PALS1: variants seen among roughly 807,000 people sequenced by gnomAD.
PALS1 encodes protein associated with LIN7 1, MAGUK p55 family member.
Under a neutral mutation model 78.9 loss-of-function variants are expected in PALS1, and 31 were observed. The observed-to-expected ratio is 0.39, with a 90% CI of 0.30 to 0.53. The LOEUF is 0.53. Among genes scored for constraint, PALS1 ranks in the 20% least tolerant of loss-of-function variants. PALS1 has a pLI of 0.67. For missense variants in PALS1, 704 were observed against 826.5 expected (o/e 0.85, Z 1.82); for synonymous variants, 276 against 270.9 (o/e 1.02, Z -0.18).
At chr14:67,313,636 T>C (rs1449227759) in intron 9 of PALS1, among the ~76,000 whole-genome samples, 2 of 152,092 alleles carry the variant, frequency 1.3e-5, no homozygotes, top group African/African-American at 4.8e-5. Flanking sequence ...AATAGGGATA[T>C]AGAGTAAAGG....
intron 3 of PALS1, among the ~76,000 whole-genome samples, chr14:67,284,560 A>AC (rs1555520609): frequency 0.17 from 22,849 of 131,732 alleles, 4,500 homozygotes; most frequent in East Asian, 0.44. Flanking sequence ...AAAAAAAAAA[A>AC]AAAAAAAAAA....
At chr14:67,272,429 A>C (rs1838657957) in intron 2 of PALS1, among the ~76,000 whole-genome samples, 1 of 151,996 alleles carries the variant, frequency 6.6e-6, no homozygotes, top group South Asian at 2.1e-4. Flanking sequence ...CTACTTCTGG[A>C]GTTGTAATGA....
chr14:67,289,086 C>T (rs2084733363), intron 3 of PALS1, among the ~76,000 whole-genome samples: 1 of 151,410 alleles, frequency 6.6e-6, no homozygotes, highest in African/African-American at 2.4e-5. Context: ...CCTGCCTCAG[C>T]CTCCCAAGTA....
chr14:67,321,533 T>C (rs1467968792), intron 13 of PALS1, among the ~76,000 whole-genome samples: 1 of 152,174 alleles, frequency 6.6e-6, no homozygotes, highest in Non-Finnish European at 1.5e-5. Flanking sequence ...ATTTCTCAGA[T>C]TTTAGAATAT....
At chr14:67,332,636 AG>A in intron 14 of PALS1, 143 bp from the exon 15 acceptor site, 1 of 723,992 alleles carries the variant, frequency 1.4e-6, no homozygotes, top group Non-Finnish European at 2.2e-6. Flanking sequence ...TGGCCGTGAC[AG>A]GGTTGGAAAG....
chr14:67,285,578 C>A (rs928166041), intron 3 of PALS1, among the ~76,000 whole-genome samples: 32 of 144,982 alleles, frequency 2.2e-4, no homozygotes, highest in African/African-American at 8.2e-4. Context: ...ACCGTGTTAG[C>A]CAGGATGGTC....
chr14:67,332,251 G>GT (rs1490455779), intron 14 of PALS1, among the ~76,000 whole-genome samples: 1 of 152,112 alleles, frequency 6.6e-6, no homozygotes, highest in Non-Finnish European at 1.5e-5. Context: ...CTTTCCTTCA[G>GT]TCAGTATTTT....
chr14:67,326,941 G>A lies in PALS1; in HGVS notation c.1851+3129G>A, dbSNP rs1159871069. Among the ~76,000 whole-genome samples the A allele has an allele frequency of 5.3e-5, 8 of 152,042 alleles. No homozygotes were observed. The South Asian group carries it at 1.0e-3, about 20-fold the overall frequency. ...TGTAATCCCAGCACTTTGGGAGGCC[G>A]AGGCGGGCAGATCACTTGAGGTGAG... On this transcript the variant is annotated intron_variant, in intron 14 of 14. Transcript: ENST00000261681.
intron 11 of PALS1, 126 bp from the exon 12 acceptor site, chr14:67,320,104 C>T: frequency 5.8e-6 from 4 of 687,392 alleles, no homozygotes; most frequent in East Asian, 3.0e-5. Flanking sequence ...TTCATGATAC[C>T]CTAGCAAGGA....
At chr14:67,249,751 T>A (rs921381740) in intron 1 of PALS1, among the ~76,000 whole-genome samples, 12 of 152,232 alleles carry the variant, frequency 7.9e-5, no homozygotes, top group Admixed American at 6.5e-4. Flanking sequence ...AGTTTTACAT[T>A]GTCACAGAAA....
intron 1 of PALS1, among the ~76,000 whole-genome samples, chr14:67,267,938 C>T (rs912924398): frequency 1.3e-5 from 2 of 152,030 alleles, no homozygotes; most frequent in Admixed American, 1.3e-4. Flanking sequence ...CCATTTTATT[C>T]CATTTTATCC....
chr14:67,292,003 G>T (rs535115694), intron 3 of PALS1, among the ~76,000 whole-genome samples: 1 of 152,174 alleles, frequency 6.6e-6, no homozygotes, highest in Admixed American at 6.5e-5. Context: ...GTAATGAAAT[G>T]CTTGTTTTTA....
chr14:67,273,838 A>T (rs1284407295), intron 2 of PALS1, among the ~76,000 whole-genome samples: 3 of 152,102 alleles, frequency 2.0e-5, no homozygotes, highest in South Asian at 4.1e-4. Flanking sequence ...ATGGTATCTC[A>T]TTGTGGTTTT....
At chr14:67,263,161 T>G (rs1024540453) in intron 1 of PALS1, among the ~76,000 whole-genome samples, 1 of 152,160 alleles carries the variant, frequency 6.6e-6, no homozygotes, top group Non-Finnish European at 1.5e-5. Flanking sequence ...AATAGGGAAT[T>G]TTCTGTTGAT....
At chr14:67,312,961 C>A (rs912404510) in intron 9 of PALS1, among the ~76,000 whole-genome samples, 17 of 152,022 alleles carry the variant, frequency 1.1e-4, no homozygotes, top group Non-Finnish European at 1.8e-4. Flanking sequence ...TTCCTGTATA[C>A]ATATTAAGAT....
At position 67,279,424 on chromosome 14, in the gene PALS1, T is replaced by C; in HGVS notation, c.254T>C (p.Met85Thr). 6.2e-7 allele frequency: 1 copy of C among 1,614,026 alleles called. No homozygotes were observed. The highest frequency in any genetic ancestry group is 1.1e-5 in the South Asian group (1 of 91,056). The change falls in exon 3 of 15, where the codon ATG becomes ACG. Residue 85 changes from methionine (M) to threonine (T), a missense_variant. Transcript: ENST00000261681. ...KKQELDLNSSMRLKKLAQIPP... is the reference protein window; with the variant it reads ...KKQELDLNSSTRLKKLAQIPP... ...CAAGAACTTGACCTTAATTCTTCCA[T>C]GAGACTTAAGAAACTAGCCCAAATT...
At chr14:67,261,951 G>C (rs2084245047) in intron 1 of PALS1, among the ~76,000 whole-genome samples, 1 of 152,228 alleles carries the variant, frequency 6.6e-6, no homozygotes, top group East Asian at 1.9e-4. Context: ...GCAAAAAAAG[G>C]ATGGGATTTT....
rs1399935399 is a variant in PALS1, at chr14:67,316,873, A to G, written c.1267A>G (p.Ile423Val). 4.3e-6 allele frequency: 7 copies of G among 1,612,580 alleles called. No individual in the cohort carries two copies. The highest frequency in any genetic ancestry group is 1.7e-4 in the Middle Eastern group (1 of 6,052). ...QQQREAMKQT[I>V]EEDKEPEKSG... ...GCAAAGGGAAGCCATGAAACAAACC[A>G]TAGAAGAAGATAAGGAGCCAGAAAA... Residue 423 changes from isoleucine to valine, a missense_variant, in exon 10 of 15, where the codon ATA becomes GTA. By Grantham distance (29) the Ile-to-Val change is conservative (BLOSUM62 3). Transcript: ENST00000261681.
At chr14:67,250,347 C>T (rs1320642156) in intron 1 of PALS1, among the ~76,000 whole-genome samples, 1 of 152,112 alleles carries the variant, frequency 6.6e-6, no homozygotes, top group Non-Finnish European at 1.5e-5. Context: ...TTCATTTATG[C>T]TCAGAAGTAC....
Sources: gnomAD v4.1 joint callset for allele counts (sites outside exome capture counted in the v4.1 genomes callset) on GRCh38, gnomAD v4.1.1 for gene constraint, MANE v1.5 for transcripts, NCBI Gene and HGNC (gene_info 2026-07-23, HGNC 2026-07-21) for gene names.